Variants in KCNK13 observed in about 807,000 individuals in gnomAD.
The protein encoded by KCNK13 is potassium two pore domain channel subfamily K member 13, also known as potassium channel subfamily K member 13.
KCNK13 carries 12 observed loss-of-function variants against 23.4 expected under a neutral mutation model. The observed-to-expected ratio is 0.51, with a 90% CI of 0.33 to 0.83. KCNK13 has a LOEUF of 0.83. Among genes scored for constraint, KCNK13 ranks in the 40% least tolerant of loss-of-function variants. KCNK13 has a pLI of 0.02. For missense variants in KCNK13, 463 were observed against 556.3 expected (o/e 0.83, Z 1.69); for synonymous variants, 231 against 229.5 (o/e 1.01, Z -0.06).
In KCNK13 at chr14:90,157,702, C is replaced by CTTTTTTTTTTTT. The variant is rs34114368; in HGVS notation, c.335-26403_335-26392dup. On this transcript the variant is annotated intron_variant, in intron 1 of 1. Coordinates refer to ENST00000282146, the MANE Select transcript of KCNK13 (RefSeq NM_022054.4). ...GGCCACCATACCTGGCTTGGCTTTCCTTTTTTTTTTTTTTTTTCAGACAGA... is the reference window on the plus strand; with the variant it reads ...GGCCACCATACCTGGCTTGGCTTTCCTTTTTTTTTTTTTTTTTTTTTTTTTTTTTCAGACAGA... Among the ~76,000 whole-genome samples the CTTTTTTTTTTTT allele has an allele frequency of 1.8e-4, 18 of 100,304 alleles. 1 individual carries two copies. The highest frequency in any genetic ancestry group is 8.1e-4 in the East Asian group (2 of 2,478). The allele number at this position is 100,304 out of a possible 152,430, so 65.8% of individuals were successfully genotyped here. A position where few individuals can be genotyped will look rare whatever the true frequency, so the allele number is the denominator to read the frequency against.
chr14:90,146,846 T>C (rs1444905083), intron 1 of KCNK13, among the ~76,000 whole-genome samples: 1 of 152,190 alleles, frequency 6.6e-6, no homozygotes, highest in African/African-American at 2.4e-5. Flanking sequence ...TTGTTCTCTT[T>C]TTCCTCATTT....
intron 1 of KCNK13, among the ~76,000 whole-genome samples, chr14:90,173,478 A>G (rs1490219595): frequency 2.0e-5 from 3 of 152,216 alleles, no homozygotes; most frequent in Non-Finnish European, 4.4e-5. Context: ...AATTGCATTC[A>G]TAAGTGTATG....
chr14:90,110,214 G>A (rs1050645615), intron 1 of KCNK13, among the ~76,000 whole-genome samples: 3 of 152,034 alleles, frequency 2.0e-5, no homozygotes, highest in Non-Finnish European at 4.4e-5. Flanking sequence ...CAGCAAGACC[G>A]CATAAAAATG....
At chr14:90,158,497 C>A (rs1019711401) in intron 1 of KCNK13, among the ~76,000 whole-genome samples, 1 of 152,168 alleles carries the variant, frequency 6.6e-6, no homozygotes, top group African/African-American at 2.4e-5. Flanking sequence ...CACTGGGGAC[C>A]AGAAGGGAAG....
chr14:90,148,204 G>A (rs892763960), intron 1 of KCNK13, among the ~76,000 whole-genome samples: 1 of 152,086 alleles, frequency 6.6e-6, no homozygotes, highest in African/African-American at 2.4e-5. Flanking sequence ...GTTTACAGGG[G>A]TCCCTTTTGG....
chr14:90,134,799 T>C (rs1889915924), intron 1 of KCNK13, among the ~76,000 whole-genome samples: 1 of 152,220 alleles, frequency 6.6e-6, no homozygotes. Flanking sequence ...TTTTCTGAAT[T>C]TCCTACAATG....
intron 1 of KCNK13, among the ~76,000 whole-genome samples, chr14:90,096,557 G>C (rs138985307): frequency 6.6e-6 from 1 of 152,120 alleles, no homozygotes; most frequent in Non-Finnish European, 1.5e-5. Flanking sequence ...ATATATGACC[G>C]TGTTTTCTGT....
chr14:90,168,210 T>C (rs191693587), intron 1 of KCNK13, among the ~76,000 whole-genome samples: 1 of 152,082 alleles, frequency 6.6e-6, no homozygotes, highest in East Asian at 1.9e-4. Flanking sequence ...CCCATCTCTA[T>C]AAAAGATACA....
intron 1 of KCNK13, among the ~76,000 whole-genome samples, chr14:90,147,825 G>A (rs1209532915): frequency 3.3e-5 from 5 of 152,080 alleles, no homozygotes; most frequent in African/African-American, 1.2e-4. Flanking sequence ...TGACTGCATA[G>A]GTCTTTCTTT....
intron 1 of KCNK13, among the ~76,000 whole-genome samples, chr14:90,083,293 T>C (rs559353226): frequency 2.0e-4 from 30 of 152,326 alleles, no homozygotes; most frequent in African/African-American, 7.2e-4. Flanking sequence ...TAGAGTTCTA[T>C]TTTTCCTTTT....
rs867909258 is a variant in KCNK13, at chr14:90,145,316, C to G, written c.335-38795C>G. On this transcript the variant is annotated intron_variant, in intron 1 of 1. Transcript: ENST00000282146. ...GCTGAGGTGGGAGGATCACCTGAGC[C>G]CAGGAAATTGAGGCTGCAGTGAGCT... Among the ~76,000 whole-genome samples, 12 of 151,858 alleles carry G rather than the reference C, an allele frequency of 7.9e-5. No homozygotes were observed. The Middle Eastern group carries it at 0.014, about 172-fold the overall frequency.
At position 90,155,987 on chromosome 14, in the gene KCNK13, T is replaced by A. The variant is rs28501449; in HGVS notation, c.335-28124T>A. Among the ~76,000 whole-genome samples, 1,353 of 152,070 alleles carry A rather than the reference T, an allele frequency of 8.9e-3. 20 individuals are homozygous for A. The highest frequency in any genetic ancestry group is 0.031 in the African/African-American group (1,287 of 41,466). On this transcript the variant is annotated intron_variant, in intron 1 of 1. Transcript: ENST00000282146. ...GGGAGGCCGAGGCAGGCAGATCACT[T>A]GAGGTCAGGAGTTCGAGACGAGCCT...
chr14:90,120,571 A>C (rs1889726926), intron 1 of KCNK13, among the ~76,000 whole-genome samples: 1 of 152,178 alleles, frequency 6.6e-6, no homozygotes, highest in Admixed American at 6.5e-5. Flanking sequence ...ACGCTTATAA[A>C]ACCATCAGAT....
chr14:90,126,865 ATCAGGCAAATTC>A (rs1190044707), intron 1 of KCNK13, among the ~76,000 whole-genome samples: 1 of 152,144 alleles, frequency 6.6e-6, no homozygotes, highest in Admixed American at 6.6e-5. Flanking sequence ...ATGAGAAAAT[ATCAGGCAAATTC>A]CAATTGAGGG....
chr14:90,114,644 A>G (rs757889091), intron 1 of KCNK13, among the ~76,000 whole-genome samples: 38 of 152,090 alleles, frequency 2.5e-4, no homozygotes, highest in Admixed American at 1.5e-3. Flanking sequence ...ATTGCTCCCA[A>G]TCTTTTTTCA....
At chr14:90,068,613 A>G in intron 1 of KCNK13, among the ~76,000 whole-genome samples, 1 of 152,168 alleles carries the variant, frequency 6.6e-6, no homozygotes, top group East Asian at 1.9e-4. Flanking sequence ...CAAGCAAAAA[A>G]AAGAAAAGAA....
intron 1 of KCNK13, among the ~76,000 whole-genome samples, chr14:90,080,324 C>T (rs1252795409): frequency 3.3e-5 from 5 of 152,008 alleles, no homozygotes; most frequent in African/African-American, 9.7e-5. Flanking sequence ...GGCCTGGTGG[C>T]GGGTGCCTGT....
chr14:90,110,328 A>G (rs1340036235), intron 1 of KCNK13, among the ~76,000 whole-genome samples: 1 of 152,002 alleles, frequency 6.6e-6, no homozygotes, highest in African/African-American at 2.4e-5. Context: ...CCTTGCCAAC[A>G]TGGTAAAACC....
chr14:90,101,125 G>A (rs1889471469), intron 1 of KCNK13, among the ~76,000 whole-genome samples: 1 of 152,182 alleles, frequency 6.6e-6, no homozygotes, highest in African/African-American at 2.4e-5. Context: ...AACATGGGCT[G>A]ATAATAATCA....
Sources: allele counts gnomAD v4.1 joint callset (sites outside exome capture counted in the v4.1 genomes callset), GRCh38; gene constraint gnomAD v4.1.1; transcripts MANE v1.5; gene names NCBI Gene and HGNC (gene_info 2026-07-23, HGNC 2026-07-21).